Variants in SETD1B observed in about 807,000 individuals in gnomAD.
SETD1B encodes the protein SET domain containing 1B, histone lysine methyltransferase.
Under a neutral mutation model 148.0 loss-of-function variants are expected in SETD1B, and 7 were observed. The observed-to-expected ratio is 0.05, with a 90% CI of 0.03 to 0.09. The LOEUF is 0.09. SETD1B is among the 10% of genes least tolerant of loss of function. The pLI is 1.00. For synonymous variants in SETD1B, 1,361 were observed against 1,186.5 expected, an observed-to-expected ratio of 1.15 and a Z score of -3.02; for missense variants, 2,155 against 2,729.9, an observed-to-expected ratio of 0.79 and a Z score of 4.69.
At chr12:121,811,015 T>C (rs1876009056) in intron 6 of SETD1B, among the ~76,000 whole-genome samples, 180 bp downstream of exon 6, 1 of 152,250 alleles carries the variant, frequency 6.6e-6, no homozygotes, top group Non-Finnish European at 1.5e-5. Context: ...GGGGCTGTGA[T>C]TGAGCAATTG....
the SETD1B span, among the ~76,000 whole-genome samples, chr12:121,792,000 G>A: frequency 6.6e-6 from 1 of 152,386 alleles, no homozygotes; most frequent in South Asian, 2.1e-4. Flanking sequence ...CTCACCAGGG[G>A]CTAGAGACAG....
rs1875675304 is a variant in SETD1B, at chr12:121,805,290, G to C, written c.273+74G>C. On this transcript the variant is annotated intron_variant, in intron 3 of 16. Coordinates refer to ENST00000604567, the MANE Select transcript of SETD1B (RefSeq NM_001353345.2). This position sits in a 1 kb window ranked among gnomAD's most constrained non-coding sequence, Gnocchi z 4.2. ...TTCGAAAATAACGCCAGTCCTGACCGAGCCCAGCCGGATTCCCAGTTCCCG... is the reference window on the plus strand; with the variant it reads ...TTCGAAAATAACGCCAGTCCTGACCCAGCCCAGCCGGATTCCCAGTTCCCG... The C allele has an allele frequency of 1.7e-6, 2 of 1,169,472 alleles. No homozygotes were observed. Among genetic ancestry groups the C allele is most frequent in the Non-Finnish European group, 2.4e-6 (2 of 840,916 alleles). 72.4% of individuals were successfully genotyped at this position (1,169,472 alleles called of 1,614,324 possible).
At position 121,819,641 on chromosome 12, in the gene SETD1B, C is replaced by T; in HGVS notation, c.3656C>T (p.Ala1219Val). 2 of 1,551,580 alleles carry T rather than the reference C, an allele frequency of 1.3e-6. No homozygotes were observed. Among genetic ancestry groups the T allele is most frequent in the Non-Finnish European group, 1.7e-6 (2 of 1,147,014 alleles). The change falls in exon 11 of 17, where the codon GCC (alanine) becomes GTC (valine). Residue 1219 changes from alanine to valine, a missense_variant. By Grantham distance (64) the Ala-to-Val change is moderately conservative. Around this residue, in one of 11 missense-constraint regions of SETD1B, gnomAD observed 862 missense variants for 873.8 expected, o/e 0.99. Coordinates refer to ENST00000604567, the MANE Select transcript of SETD1B (RefSeq NM_001353345.2). Reference sequence around the variant, plus strand: ...CAGGACGGGGAGGAAGCGGCTCTGGCCCCGGGGGCACCTGCAGTGGACTCG... The same window carrying T: ...CAGGACGGGGAGGAAGCGGCTCTGGTCCCGGGGGCACCTGCAGTGGACTCG... ...FEQDGEEAAL[A>V]PGAPAVDSLG...
At position 121,805,725 on chromosome 12, in the gene SETD1B, C is replaced by A; in HGVS notation, c.274-110C>A. On this transcript the variant is annotated intron_variant, in intron 3 of 16. Coordinates refer to ENST00000604567, the MANE Select transcript of SETD1B (RefSeq NM_001353345.2). The surrounding 1 kb of genome is among the most constrained non-coding windows in gnomAD (Gnocchi z 4.2). ...TTTTTTAATTTTTAGTTTTTTTACCCTTTATTGTTTTCAACGGGTGGGCGA... is the reference window on the plus strand; with the variant it reads ...TTTTTTAATTTTTAGTTTTTTTACCATTTATTGTTTTCAACGGGTGGGCGA... 2 of 1,046,752 alleles carry A rather than the reference C, an allele frequency of 1.9e-6. No homozygotes were observed. The highest frequency in any genetic ancestry group is 2.6e-6 in the Non-Finnish European group (2 of 761,866). 64.8% of individuals were successfully genotyped at this position (1,046,752 alleles called of 1,614,324 possible).
At chr12:121,797,868 A>T in the SETD1B span, 9 of 334,476 alleles carry the variant, frequency 2.7e-5, no homozygotes, top group Admixed American at 8.4e-5. Context: ...CTCAATTTTT[A>T]TCAGGTGCTT....
upstream of SETD1B, chr12:121,802,072 GAA>G (rs912058402): frequency 4.6e-5 from 7 of 151,792 alleles, no homozygotes; most frequent in Admixed American, 3.3e-4. Flanking sequence ...CCAAAGACGA[GAA>G]AAACAGGGCT....
Position 121,804,989 on chromosome 12 carries a change from G to T in SETD1B, c.174+78G>T, listed in dbSNP as rs1875654147. 1 of 1,459,612 alleles carries T rather than the reference G, an allele frequency of 6.9e-7. No individual in the cohort carries two copies. The highest frequency in any genetic ancestry group is 2.3e-5 in the Admixed American group (1 of 42,768). The allele number at this position is 1,459,612 out of a possible 1,614,324, so 90.4% of individuals were successfully genotyped here. A position where few individuals can be genotyped will look rare whatever the true frequency, so the allele number is the denominator to read the frequency against. ...CGCGCCTAGCGGCCAGGGACCCCCC[G>T]CCCGATCCCCCGGCCAACTGTCAGA... On this transcript the variant is annotated intron_variant, in intron 2 of 16. Coordinates refer to ENST00000604567, the MANE Select transcript of SETD1B (RefSeq NM_001353345.2). This position sits in a 1 kb window ranked among gnomAD's most constrained non-coding sequence, Gnocchi z 4.6.
upstream of SETD1B, chr12:121,801,748 C>A (rs1483116342): frequency 6.6e-6 from 1 of 152,274 alleles, no homozygotes; most frequent in Non-Finnish European, 1.5e-5. Context: ...CCTTCCACTT[C>A]TGCAAACTTT....
Position 121,827,737 on chromosome 12 carries a change from C to T in SETD1B, c.5472C>T (p.Phe1824=), listed in dbSNP as rs939594095. 3 of 1,551,818 alleles carry T rather than the reference C, an allele frequency of 1.9e-6. No individual in the cohort carries two copies. In the African/African-American group the frequency reaches 4.1e-5, roughly 21 times the overall value. ...SDLLKFNQLK[F]RKKKLKFCKS... The stretch of plus-strand genomic sequence containing the variant: ...TCTCCCCCTCTTCCCTCCCACAGTT[C>T]CGGAAGAAAAAGCTCAAGTTCTGCA... The change falls in exon 15 of 17, where the codon TTC becomes TTT. Residue 1824 remains phenylalanine (F), a splice_region_variant and synonymous_variant. Transcript: ENST00000604567.
chr12:121,816,941 TGCCGAGTGGAAGGCAGGTA>T (rs1028990327), intron 7 of SETD1B, 73 bp from the exon 8 acceptor site: 22 of 1,189,404 alleles, frequency 1.8e-5, no homozygotes, highest in Non-Finnish European at 2.5e-5. Context: ...TGGCTGTTAC[TGCCGAGTGGAAGGCAGGTA>T]GCCTGGGGAG....
Position 121,804,416 on chromosome 12 carries a change from G to A in SETD1B, c.-15+183G>A, listed in dbSNP as rs1276299004. ...TGAGCGCCACGCCGGGCGGCCGGGC[G>A]GGCACCATGGGCCGGAGTCCGCGTC... On this transcript the variant is annotated intron_variant, in intron 1 of 16. Transcript: ENST00000604567. This position sits in a 1 kb window ranked among gnomAD's most constrained non-coding sequence, Gnocchi z 4.6. Among the ~76,000 whole-genome samples the A allele has an allele frequency of 6.7e-6, 1 of 148,350 alleles. No individual in the cohort carries two copies. The highest frequency in any genetic ancestry group is 2.4e-5 in the African/African-American group (1 of 40,896).
At chr12:121,791,957 C>G in the SETD1B span, among the ~76,000 whole-genome samples, 1 of 152,224 alleles carries the variant, frequency 6.6e-6, no homozygotes, top group Non-Finnish European at 1.5e-5. Context: ...GGGCCACGCC[C>G]CGGGAATTCC....
chr12:121,822,967 C>T lies in SETD1B; in HGVS notation c.4388C>T (p.Ala1463Val), dbSNP rs1403924898. ...GRRDERSGPLASPVLLETGLP... is the reference protein window; with the variant it reads ...GRRDERSGPLVSPVLLETGLP... ...CGCGATGAACGCTCCGGGCCCCTGGCCTCCCCGGTGCTCCTGGAGACGGGC... is the reference window on the plus strand; with the variant it reads ...CGCGATGAACGCTCCGGGCCCCTGGTCTCCCCGGTGCTCCTGGAGACGGGC... The change falls in exon 12 of 17, where the codon GCC (alanine) becomes GTC (valine). Residue 1463 changes from alanine to valine, a missense_variant. Physicochemically the swap from Ala to Val is moderately conservative, Grantham distance 64. Coordinates refer to ENST00000604567, the MANE Select transcript of SETD1B (RefSeq NM_001353345.2). 2.0e-6 allele frequency: 3 copies of T among 1,537,990 alleles called. No homozygotes were observed. Among genetic ancestry groups the T allele is most frequent in the African/African-American group, 1.4e-5 (1 of 72,936 alleles).
chr12:121,807,125 G>A (rs1592974602), intron 4 of SETD1B, among the ~76,000 whole-genome samples: 1 of 152,186 alleles, frequency 6.6e-6, no homozygotes, highest in South Asian at 2.1e-4. Flanking sequence ...TTCTTTTTTT[G>A]CGTTTAATGA....
intron 6 of SETD1B, among the ~76,000 whole-genome samples, chr12:121,812,395 C>G (rs1321884777): frequency 6.6e-6 from 1 of 151,932 alleles, no homozygotes; most frequent in Non-Finnish European, 1.5e-5. Context: ...GTCTCAGTTT[C>G]GTCATCTGCC....
Position 121,805,059 on chromosome 12 carries a change from T to C in SETD1B, c.175-59T>C. 1 of 1,514,538 alleles carries C rather than the reference T, an allele frequency of 6.6e-7. No individual in the cohort carries two copies. 93.8% of individuals were successfully genotyped at this position (1,514,538 alleles called of 1,614,324 possible). A position where few individuals can be genotyped will look rare whatever the true frequency, so the allele number is the denominator to read the frequency against. ...TTTGACAAGTGCCTCGAGAAAGGGGTCTGCCCATGGGGAGGGGGACCAGTT... is the reference window on the plus strand; with the variant it reads ...TTTGACAAGTGCCTCGAGAAAGGGGCCTGCCCATGGGGAGGGGGACCAGTT... On this transcript the variant is annotated intron_variant, in intron 2 of 16. Coordinates refer to ENST00000604567, the MANE Select transcript of SETD1B (RefSeq NM_001353345.2). This position sits in a 1 kb window ranked among gnomAD's most constrained non-coding sequence, Gnocchi z 4.2.
chr12:121,822,882 A>G lies in SETD1B; in HGVS notation c.4303A>G (p.Thr1435Ala), dbSNP rs1030402579. The stretch of plus-strand genomic sequence containing the variant: ...TGGCCGGGACTTCAGCTTCACACCC[A>G]CCTTCTCCGAGCCCAGCGGGCCCTT... ...TPGRDFSFTP[T>A]FSEPSGPLLL... Residue 1435 changes from threonine to alanine, a missense_variant, in exon 12 of 17, where the codon ACC becomes GCC. Physicochemically the swap from Thr to Ala is moderately conservative, Grantham distance 58. Transcript: ENST00000604567. 9 of 1,487,340 alleles carry G rather than the reference A, an allele frequency of 6.1e-6. No homozygotes were observed. The Middle Eastern group carries it at 7.0e-4, about 116-fold the overall frequency. The allele number at this position is 1,487,340 out of a possible 1,614,324, so 92.1% of individuals were successfully genotyped here. A position where few individuals can be genotyped will look rare whatever the true frequency, so the allele number is the denominator to read the frequency against.
chr12:121,823,334 C>CCCGTGG lies in SETD1B; in HGVS notation c.4756_4757insCGTGGC (p.Pro1585_Leu1586insProTrp). The CCCGTGG allele has an allele frequency of 3.5e-6, 5 of 1,435,412 alleles. No homozygotes were observed. Among genetic ancestry groups the CCCGTGG allele is most frequent in the Non-Finnish European group, 4.8e-6 (5 of 1,052,202 alleles). The allele number at this position is 1,435,412 out of a possible 1,614,324, so 88.9% of individuals were successfully genotyped here. A position where few individuals can be genotyped will look rare whatever the true frequency, so the allele number is the denominator to read the frequency against. On this transcript the variant is annotated inframe_insertion, in exon 12 of 17. Coordinates refer to ENST00000604567, the MANE Select transcript of SETD1B (RefSeq NM_001353345.2). ...CGGGGATCCCAGCCCCTCCACCACC[C>CCCGTGG]CTTCCCCCCCAGCCACCCCCACCCC...
rs1266600950 is a variant in SETD1B, at chr12:121,819,530, T to G, written c.3545T>G (p.Val1182Gly). ...TCCTCGGAGGATGAGGAGGAGGTAG[T>G]GGCCAGGGAAGAGGAGGAAGAAGAG... ...PSSSEDEEEV[V>G]AREEEEEEEE... The change falls in exon 11 of 17, where the codon GTG (valine) becomes GGG (glycine). Residue 1182 changes from valine (V) to glycine (G), a missense_variant. Val to Gly is a moderately radical substitution (Grantham distance 109, BLOSUM62 -3). Transcript: ENST00000604567. 6.4e-7 allele frequency: 1 copy of G among 1,552,298 alleles called. No individual in the cohort carries two copies. Among genetic ancestry groups the G allele is most frequent in the Admixed American group, 2.0e-5 (1 of 50,998 alleles).
Sources: gnomAD v4.1 joint callset for allele counts (sites outside exome capture counted in the v4.1 genomes callset) on GRCh38, gnomAD v4.1.1 for gene constraint, gnomAD v4.1.1 regional missense constraint, Gnocchi (gnomAD v3.1) non-coding constraint, MANE v1.5 for transcripts, NCBI Gene and HGNC (gene_info 2026-07-23, HGNC 2026-07-21) for gene names.